Variants in GPR55 observed in about 807,000 individuals in gnomAD.
GPR55 encodes G protein-coupled receptor 55, also known as G-protein coupled receptor 55.
GPR55 carries 6 observed loss-of-function variants against 7.9 expected under a neutral mutation model. The ratio of observed to expected loss-of-function variants is 0.76; its 90% CI spans 0.41 to 1.49. GPR55 has a LOEUF of 1.49. Among genes scored for constraint, GPR55 ranks in the 40% most tolerant of loss-of-function variants. GPR55 has a pLI of 0.01. For synonymous variants in GPR55, 183 were observed against 166.8 expected (o/e 1.10, Z -0.75); for missense variants, 376 against 406.0 (o/e 0.93, Z 0.63).
At chr2:230,957,797 T>C (rs1691515730) in intron 1 of GPR55, 1 of 560,072 alleles carries the variant, frequency 1.8e-6, no homozygotes, top group African/African-American at 1.9e-5. Flanking sequence ...GGATTTATCT[T>C]GGTGACTTTG....
intron 1 of GPR55, among the ~76,000 whole-genome samples, chr2:230,949,045 G>T (rs114282251): frequency 2.0e-5 from 3 of 151,830 alleles, no homozygotes; most frequent in Non-Finnish European, 2.9e-5. Flanking sequence ...CTCCAGCCTT[G>T]GCAACAGACT....
chr2:230,911,487 C>T (rs894431772), intron 1 of GPR55, among the ~76,000 whole-genome samples: 1 of 152,196 alleles, frequency 6.6e-6, no homozygotes, highest in Admixed American at 6.5e-5. Flanking sequence ...AGTCAACCTG[C>T]AACCAGGGAT....
chr2:230,920,029 G>A (rs554490791), intron 1 of GPR55, among the ~76,000 whole-genome samples: 2 of 151,302 alleles, frequency 1.3e-5, no homozygotes, highest in Admixed American at 6.6e-5. Context: ...CCCAACCAGT[G>A]GTTGCATTCT....
chr2:230,952,704 C>A (rs968573001), intron 1 of GPR55, among the ~76,000 whole-genome samples: 1 of 152,226 alleles, frequency 6.6e-6, no homozygotes, highest in Non-Finnish European at 1.5e-5. Flanking sequence ...CATCGGGCAT[C>A]TGCACAGCTG....
intron 1 of GPR55, among the ~76,000 whole-genome samples, chr2:230,917,070 A>G (rs1023771445): frequency 2.0e-5 from 3 of 152,248 alleles, no homozygotes; most frequent in Non-Finnish European, 4.4e-5. Flanking sequence ...GCCTTGTAGA[A>G]TTGCAGAACA....
At position 230,910,484 on chromosome 2, in the gene GPR55, T is replaced by C; in HGVS notation, c.479A>G (p.His160Arg). ...GCACATGTATTTTTCCACTTTCCCA[T>C]GGAAACTGTAGATAGGGATGCTTCC... ...WTGSIPIYSF[H>R]GKVEKYMCFH... Residue 160 changes from histidine (H) to arginine (R), a missense_variant, in exon 2 of 2, where the codon CAT (histidine) becomes CGT (arginine). His to Arg is a conservative substitution (Grantham distance 29). Transcript: ENST00000650999. The surrounding 1 kb of genome is among the most constrained non-coding windows in gnomAD (Gnocchi z 5.4). 2 of 1,614,074 alleles carry C rather than the reference T, an allele frequency of 1.2e-6. No homozygotes were observed. Among genetic ancestry groups the C allele is most frequent in the South Asian group, 1.1e-5 (1 of 91,074 alleles).
intron 1 of GPR55, among the ~76,000 whole-genome samples, chr2:230,948,932 G>C (rs1404606462): frequency 6.6e-6 from 1 of 152,158 alleles, no homozygotes; most frequent in African/African-American, 2.4e-5. Context: ...AGTCCGGTTT[G>C]GTGGCGTGCG....
chr2:230,931,886 C>T (rs1357263405), intron 1 of GPR55, among the ~76,000 whole-genome samples: 1 of 152,110 alleles, frequency 6.6e-6, no homozygotes, highest in African/African-American at 2.4e-5. Flanking sequence ...ATGGACAATG[C>T]TCCTGGAGCC....
chr2:230,938,858 A>G (rs1322776767), intron 1 of GPR55, among the ~76,000 whole-genome samples: 1 of 152,126 alleles, frequency 6.6e-6, no homozygotes, highest in Non-Finnish European at 1.5e-5. Context: ...GAGAGCCTCG[A>G]GTCTAGCTGC....
chr2:230,953,300 G>T (rs1479795470), intron 1 of GPR55, among the ~76,000 whole-genome samples: 1 of 152,200 alleles, frequency 6.6e-6, no homozygotes, highest in African/African-American at 2.4e-5. Context: ...ATGGAATTAA[G>T]GTTGCCAATT....
At position 230,940,053 on chromosome 2, in the gene GPR55, T is replaced by A. The variant is rs1283095282; in HGVS notation, c.-135+20722A>T. On this transcript the variant is annotated intron_variant, in intron 1 of 1. Transcript: ENST00000392039. ...GCACCAGAAAGAGCCAGTCCTCCCA[T>A]CCCTGAGCTACGTGGCCCCCCTGGA... is the stretch of plus-strand genomic sequence containing the variant. 2.6e-5 allele frequency among the ~76,000 whole-genome samples: 4 copies of A among 151,986 alleles called. No individual in the cohort carries two copies. The East Asian group carries it at 5.8e-4, about 22-fold the overall frequency.
intron 1 of GPR55, among the ~76,000 whole-genome samples, chr2:230,913,649 C>T (rs1316145861): frequency 1.3e-5 from 2 of 152,158 alleles, no homozygotes; most frequent in East Asian, 1.9e-4. Flanking sequence ...ACTCAGGATG[C>T]TCAGAATCTG....
chr2:230,927,800 C>T (rs564070392), upstream of GPR55, among the ~76,000 whole-genome samples: 2 of 152,376 alleles, frequency 1.3e-5, no homozygotes, highest in South Asian at 2.1e-4. Context: ...CACATCCTCC[C>T]CTGACGCTGG....
Position 230,910,316 on chromosome 2 carries a change from T to G in GPR55, c.647A>C (p.Gln216Pro). The change falls in exon 2 of 2, where the codon CAG becomes CCG. Residue 216 changes from glutamine to proline, a missense_variant. By Grantham distance (76) the Gln-to-Pro change is moderately conservative (BLOSUM62 -1). Transcript: ENST00000650999. This position sits in a 1 kb window ranked among gnomAD's most constrained non-coding sequence, Gnocchi z 5.4. ...HILLGRRDHT[Q>P]DWVQQKACIY... ...GCAGGCTTTCTGCTGCACCCAGTCC[T>G]GGGTGTGGTCTCGGCGGCCCAGCAG... The G allele has an allele frequency of 6.2e-7, 1 of 1,613,784 alleles. No individual in the cohort carries two copies. Among genetic ancestry groups the G allele is most frequent in the Non-Finnish European group, 8.5e-7 (1 of 1,179,924 alleles).
chr2:230,939,980 C>T (rs78997981), intron 1 of GPR55, among the ~76,000 whole-genome samples: 3,695 of 152,196 alleles, frequency 0.024, 139 homozygotes, highest in African/African-American at 0.085. Flanking sequence ...CCAGGCATCT[C>T]CTTGGCCTGC....
At chr2:230,959,753 C>T (rs1691542003) in intron 1 of GPR55, among the ~76,000 whole-genome samples, 1 of 151,642 alleles carries the variant, frequency 6.6e-6, no homozygotes, top group Non-Finnish European at 1.5e-5. Context: ...TCATCCTTCT[C>T]TCTGAGTATT....
chr2:230,934,690 T>C (rs531925823), intron 1 of GPR55, among the ~76,000 whole-genome samples: 1 of 152,260 alleles, frequency 6.6e-6, no homozygotes, highest in South Asian at 2.1e-4. Context: ...GTTTGCTATC[T>C]GGGGTGGGGT....
At position 230,910,579 on chromosome 2, in the gene GPR55, C is replaced by G; in HGVS notation, c.384G>C (p.Leu128=). 1 of 1,613,980 alleles carries G rather than the reference C, an allele frequency of 6.2e-7. No individual in the cohort carries two copies. Among genetic ancestry groups the G allele is most frequent in the Non-Finnish European group, 8.5e-7 (1 of 1,179,930 alleles). Residue 128 remains leucine, a synonymous_variant, in exon 2 of 2, where the codon CTG becomes CTC. Transcript: ENST00000650999. This position sits in a 1 kb window ranked among gnomAD's most constrained non-coding sequence, Gnocchi z 5.4. ...TCCTGGGGGACCGGAGGTGGCTCAC[C>G]AGTAGCGGGTAACGGATGGCCAAGA... ...DRFLAIRYPL[L]VSHLRSPRKI... is the part of the protein sequence containing the mutation.
At chr2:230,934,186 G>T (rs997530136) in intron 1 of GPR55, among the ~76,000 whole-genome samples, 1 of 152,144 alleles carries the variant, frequency 6.6e-6, no homozygotes, top group Non-Finnish European at 1.5e-5. Context: ...TTCTCCACCT[G>T]CCCCTACAAC....
Sources: allele counts gnomAD v4.1 joint callset (sites outside exome capture counted in the v4.1 genomes callset), GRCh38; gene constraint gnomAD v4.1.1; non-coding constraint Gnocchi (gnomAD v3.1); transcripts MANE v1.5; gene names NCBI Gene and HGNC (gene_info 2026-07-23, HGNC 2026-07-21).